The following CSMD1 variants were observed in gnomAD, a reference collection of about 807,000 sequenced individuals.
CSMD1 encodes CUB and Sushi multiple domains 1.
A neutral mutation model predicts 417.5 loss-of-function variants in CSMD1; 213 were observed. That is an observed-to-expected ratio of 0.51 (90% CI 0.46 to 0.57). The LOEUF (loss-of-function observed/expected upper bound fraction) is 0.57. Ranked by LOEUF, CSMD1 falls within the 20% of genes least tolerant of loss-of-function variation. The probability of loss-of-function intolerance (pLI) is 0.00; values close to 1 mark genes in which losing one functional copy is unlikely to be tolerated. For missense variants in CSMD1, 6,923 were observed against 4,529.7 expected (o/e 1.53, Z -15.17); for synonymous variants, 2,862 against 1,736.8 (o/e 1.65, Z -16.11).
intron 5 of CSMD1, among the ~76,000 whole-genome samples, chr8:3,808,860 G>T (rs1202771533): frequency 6.6e-6 from 1 of 152,138 alleles, no homozygotes; most frequent in Non-Finnish European, 1.5e-5. Flanking sequence ...CAGCCCTTAG[G>T]TCTCAATGAG....
intron 3 of CSMD1, among the ~76,000 whole-genome samples, chr8:4,367,209 GTTA>G (rs1802125388): frequency 6.6e-6 from 1 of 152,132 alleles, no homozygotes; most frequent in African/African-American, 2.4e-5. Context: ...TCCATCTGGA[GTTA>G]TTTTTTGTAT....
At chr8:3,043,413 A>C (rs1811239500) in intron 50 of CSMD1, among the ~76,000 whole-genome samples, 1 of 152,124 alleles carries the variant, frequency 6.6e-6, no homozygotes, top group Admixed American at 6.5e-5. Context: ...TATAAATACT[A>C]GATATGACTA....
Position 4,406,343 on chromosome 8 carries a change from C to G in CSMD1, c.415+13610G>C, listed in dbSNP as rs181367646. On this transcript the variant is annotated intron_variant, in intron 3 of 69. Coordinates refer to ENST00000635120, the MANE Select transcript of CSMD1 (RefSeq NM_033225.6). ...TGTGAATTCAACACACTCAAAATGACAGAATTTAGGGAAAGAGAGATGACA... is the reference window on the plus strand; with the variant it reads ...TGTGAATTCAACACACTCAAAATGAGAGAATTTAGGGAAAGAGAGATGACA... Among the ~76,000 whole-genome samples, 3 of 152,172 alleles carry G rather than the reference C, an allele frequency of 2.0e-5. No individual in the cohort carries two copies. The East Asian group carries it at 5.8e-4, about 29-fold the overall frequency.
At chr8:3,766,693 AATTT>A (rs1798290757) in intron 5 of CSMD1, among the ~76,000 whole-genome samples, 2 of 152,092 alleles carry the variant, frequency 1.3e-5, no homozygotes, top group South Asian at 4.2e-4. Flanking sequence ...ACATGGTAAC[AATTT>A]ATTTTGGGTT....
Position 2,985,287 on chromosome 8 carries a change from G to A in CSMD1, c.8378-6487C>T, listed in dbSNP as rs139262831. ...TAGCTTCTGCCTAGTTCAGGAACACGCAAAACACATGATATTTCCACATGT... is the reference window on the plus strand; with the variant it reads ...TAGCTTCTGCCTAGTTCAGGAACACACAAAACACATGATATTTCCACATGT... On this transcript the variant is annotated intron_variant, in intron 54 of 69. Transcript: ENST00000635120. Among the ~76,000 whole-genome samples, 345 of 151,038 alleles carry A rather than the reference G, an allele frequency of 2.3e-3. 7 individuals carry two copies. Among genetic ancestry groups the A allele is most frequent in the Middle Eastern group, 0.01 (3 of 290 alleles).
At chr8:4,667,229 C>G (rs1053033083) in intron 1 of CSMD1, among the ~76,000 whole-genome samples, 2 of 152,002 alleles carry the variant, frequency 1.3e-5, no homozygotes, top group Non-Finnish European at 1.5e-5. Context: ...ATCATGTTTT[C>G]CAATACCACA....
Position 3,359,357 on chromosome 8 carries a change from C to G in CSMD1, c.3116-17G>C. The G allele has an allele frequency of 6.3e-7, 1 of 1,592,030 alleles. No individual in the cohort carries two copies. The highest frequency in any genetic ancestry group is 8.6e-7 in the Non-Finnish European group (1 of 1,167,578). On this transcript the variant is annotated splice_polypyrimidine_tract_variant and intron_variant, in intron 20 of 69. Coordinates refer to ENST00000635120, the MANE Select transcript of CSMD1 (RefSeq NM_033225.6). ...GGTCATATTCTGAGGCATGCAGAGACAGAGTAAATGCATGAGGATTTGGGT... is the reference window on the plus strand; with the variant it reads ...GGTCATATTCTGAGGCATGCAGAGAGAGAGTAAATGCATGAGGATTTGGGT...
At chr8:3,086,589 T>C (rs188305857) in intron 49 of CSMD1, among the ~76,000 whole-genome samples, 58 of 152,272 alleles carry the variant, frequency 3.8e-4, no homozygotes, top group African/African-American at 1.4e-3. Flanking sequence ...AATGTGTTAT[T>C]TGAAAACCTG....
chr8:3,615,416 C>G (rs1446702300), intron 8 of CSMD1, among the ~76,000 whole-genome samples: 1 of 152,142 alleles, frequency 6.6e-6, no homozygotes, highest in Non-Finnish European at 1.5e-5. Context: ...TCCAATAAAT[C>G]ACTTCAATAA....
At chr8:4,467,122 TAAA>T (rs35481238) in intron 2 of CSMD1, among the ~76,000 whole-genome samples, 15 of 86,252 alleles carry the variant, frequency 1.7e-4, no homozygotes, top group East Asian at 6.7e-4. Context: ...TTCTTCAGAG[TAAA>T]AAAAAAAAAA....
chr8:4,422,254 T>C (rs1797289144), intron 2 of CSMD1, among the ~76,000 whole-genome samples: 1 of 152,084 alleles, frequency 6.6e-6, no homozygotes, highest in Admixed American at 6.6e-5. Flanking sequence ...TTCCAGAAAG[T>C]GTAAGTGGAT....
chr8:4,187,868 A>T (rs1798777993), intron 3 of CSMD1, among the ~76,000 whole-genome samples: 1 of 152,110 alleles, frequency 6.6e-6, no homozygotes, highest in Non-Finnish European at 1.5e-5. Flanking sequence ...TTATACTTTT[A>T]TTCTCTCAGG....
chr8:3,786,252 C>G (rs1799451942), intron 5 of CSMD1, among the ~76,000 whole-genome samples: 1 of 151,956 alleles, frequency 6.6e-6, no homozygotes, highest in Non-Finnish European at 1.5e-5. Context: ...CGGGAGATGT[C>G]AAGGCAAGAG....
In CSMD1 at chr8:3,270,046, C is replaced by CTTTTTTTTT. The variant is rs200994813; in HGVS notation, c.4153+14089_4153+14097dup. Among the ~76,000 whole-genome samples the CTTTTTTTTT allele has an allele frequency of 7.1e-4, 84 of 118,370 alleles. 2 individuals are homozygous for CTTTTTTTTT. Among genetic ancestry groups the CTTTTTTTTT allele is most frequent in the Non-Finnish European group, 9.8e-4 (57 of 58,058 alleles). The allele number at this position is 118,370 out of a possible 152,430, so 77.7% of individuals were successfully genotyped here. On this transcript the variant is annotated intron_variant, in intron 26 of 69. Coordinates refer to ENST00000635120, the MANE Select transcript of CSMD1 (RefSeq NM_033225.6). Reference sequence around the variant, plus strand: ...GAGCAAGGACTTTCTCTAACCTCTTCTTTTTTTTTTTTTTTTTTTTTGAGA... The same window carrying CTTTTTTTTT: ...GAGCAAGGACTTTCTCTAACCTCTTCTTTTTTTTTTTTTTTTTTTTTTTTTTTTTTGAGA...
chr8:3,491,754 G>A (rs1563089021), intron 11 of CSMD1, among the ~76,000 whole-genome samples: 1 of 152,184 alleles, frequency 6.6e-6, no homozygotes, highest in Non-Finnish European at 1.5e-5. Flanking sequence ...ATAACAGACT[G>A]CATCTTTTTA....
Position 4,053,292 on chromosome 8 carries a change from C to G in CSMD1, c.416-21193G>C, listed in dbSNP as rs186969855. On this transcript the variant is annotated intron_variant, in intron 3 of 69. Transcript: ENST00000635120. ...GAAAAGTATTTTATCACTGACAGTG[C>G]TTAGCATTGCGAATGCATGAGAATA... is the stretch of plus-strand genomic sequence containing the variant. 2.4e-4 allele frequency among the ~76,000 whole-genome samples: 36 copies of G among 152,320 alleles called. No individual in the cohort carries two copies. The East Asian group carries it at 6.8e-3, about 29-fold the overall frequency.
At chr8:3,626,883 T>C (rs1459810573) in intron 7 of CSMD1, among the ~76,000 whole-genome samples, 1 of 149,722 alleles carries the variant, frequency 6.7e-6, no homozygotes, top group Non-Finnish European at 1.5e-5. Context: ...TAAATATAAG[T>C]ATTAATAAAT....
At position 3,630,550 on chromosome 8, in the gene CSMD1, C is replaced by T. The variant is rs137968869; in HGVS notation, c.1010-13753G>A. On this transcript the variant is annotated intron_variant, in intron 7 of 69. Transcript: ENST00000635120. ...GCTACTCCTACAGACCCAGGCAAAG[C>T]CAATTAGAGGAAGAAGGAGAGGAGG... 2.1e-3 allele frequency among the ~76,000 whole-genome samples: 313 copies of T among 152,186 alleles called. 7 individuals carry two copies. The highest frequency in any genetic ancestry group is 0.02 in the Admixed American group (303 of 15,290).
intron 2 of CSMD1, among the ~76,000 whole-genome samples, chr8:4,525,629 G>T (rs755182564): frequency 6.6e-5 from 10 of 152,194 alleles, no homozygotes; most frequent in Middle Eastern, 3.4e-3. Context: ...AGTAATAGCG[G>T]TTTTTGTCAT....
Sources: gnomAD v4.1 joint callset for allele counts (sites outside exome capture counted in the v4.1 genomes callset) on GRCh38, gnomAD v4.1.1 for gene constraint, MANE v1.5 for transcripts, NCBI Gene and HGNC (gene_info 2026-07-23, HGNC 2026-07-21) for gene names.